The following PIKFYVE variants were observed in gnomAD, a reference collection of about 807,000 sequenced individuals.
PIKFYVE encodes phosphoinositide kinase, FYVE-type zinc finger containing, also known as 1-phosphatidylinositol 3-phosphate 5-kinase.
A neutral mutation model predicts 257.9 loss-of-function variants in PIKFYVE; 122 were observed. The observed-to-expected ratio is 0.47, with a 90% CI of 0.41 to 0.55. The LOEUF (loss-of-function observed/expected upper bound fraction) is 0.55, where lower values mean the gene tolerates loss of function less well. Ranked by LOEUF, PIKFYVE falls within the 20% of genes least tolerant of loss-of-function variation. The probability of loss-of-function intolerance (pLI) is 0.00; values close to 1 mark genes in which losing one functional copy is unlikely to be tolerated. For missense variants in PIKFYVE, 2,160 were observed against 2,536.6 expected (o/e 0.85, Z 3.19); for synonymous variants, 892 against 868.9 (o/e 1.03, Z -0.47).
intron 18 of PIKFYVE, among the ~76,000 whole-genome samples, chr2:208,324,506 A>G (rs1453371587): frequency 6.6e-6 from 1 of 152,214 alleles, no homozygotes; most frequent in South Asian, 2.1e-4. Flanking sequence ...TACAAGACCA[A>G]AAGTGAAATG....
chr2:208,285,730 C>A lies in PIKFYVE; in HGVS notation c.618C>A (p.Asp206Glu), dbSNP rs371064338. 1.0e-4 allele frequency: 164 copies of A among 1,613,096 alleles called. No homozygotes were observed. Among genetic ancestry groups the A allele is most frequent in the Non-Finnish European group, 1.3e-4 (159 of 1,179,288 alleles). The change falls in exon 6 of 42, where the codon GAC (aspartate) becomes GAA (glutamate). Residue 206 changes from aspartate (D) to glutamate (E), a missense_variant. Around this residue, in one of 12 missense-constraint regions of PIKFYVE, gnomAD observed 187 missense variants for 185.6 expected, o/e 1.01. Coordinates refer to ENST00000264380, the MANE Select transcript of PIKFYVE (RefSeq NM_015040.4). ...IPGKFMGYTG[D>E]LRACTYCRKI... is the part of the protein sequence containing the mutation. ...GTTTTTGTTTTTTTCTCCTAGGAGA[C>A]CTCCGAGCTTGCACATATTGTAGAA...
rs748955438 is a variant in PIKFYVE, at chr2:208,338,554, A to G, written c.4658A>G (p.Gln1553Arg). The G allele has an allele frequency of 3.1e-6, 5 of 1,613,026 alleles. No individual in the cohort carries two copies. The African/African-American group carries it at 6.7e-5, about 22-fold the overall frequency. Residue 1553 changes from glutamine (Q) to arginine (R), a missense_variant, in exon 29 of 42, where the codon CAG becomes CGG. Coordinates refer to ENST00000264380, the MANE Select transcript of PIKFYVE (RefSeq NM_015040.4). ...ASPRNISPGL[Q>R]NGEKEDRFLT... The stretch of plus-strand genomic sequence containing the variant: ...CCACGGAATATTTCTCCAGGACTTC[A>G]GAATGGAGAAAAAGGTTGGTTCTTG...
chr2:208,326,478 A>T, intron 20 of PIKFYVE, 49 bp downstream of exon 20: 1 of 1,578,784 alleles, frequency 6.3e-7, no homozygotes, highest in South Asian at 1.1e-5. Flanking sequence ...GATGTGTTGA[A>T]TGACTCCTCA....
intron 14 of PIKFYVE, 121 bp from the exon 15 acceptor site, chr2:208,315,072 A>G (rs773367810): frequency 9.8e-5 from 92 of 942,738 alleles, no homozygotes; most frequent in Non-Finnish European, 1.3e-4. Context: ...GACCTAGAAA[A>G]TCTTATCTGT....
chr2:208,305,358 T>C (rs1467096822), intron 12 of PIKFYVE: 1 of 1,143,062 alleles, frequency 8.7e-7, no homozygotes, highest in Non-Finnish European at 1.1e-6. Context: ...TTTCTCTTTC[T>C]TCATTTAACA....
rs1210070952 is a variant in PIKFYVE, at chr2:208,352,790, T to C, written c.5844+8T>C. 3.1e-6 allele frequency: 5 copies of C among 1,612,214 alleles called. No individual in the cohort carries two copies. In the East Asian group the frequency reaches 1.1e-4, roughly 36 times the overall value. On this transcript the variant is annotated splice_region_variant and intron_variant, in intron 39 of 41. Transcript: ENST00000264380. ...GGGAGAAAGATGGCACAGGTAAGGGTATTGGACTATGTGAAGCATTTAGCT... is the reference window on the plus strand; with the variant it reads ...GGGAGAAAGATGGCACAGGTAAGGGCATTGGACTATGTGAAGCATTTAGCT...
intron 13 of PIKFYVE, 83 bp downstream of exon 13, chr2:208,312,378 C>A: frequency 9.5e-7 from 1 of 1,052,332 alleles, no homozygotes; most frequent in Non-Finnish European, 1.4e-6. Context: ...TTGATTAGCA[C>A]AGAGAAGGTG....
intron 17 of PIKFYVE, 56 bp from the exon 18 acceptor site, chr2:208,324,086 A>G (rs528839038): frequency 5.8e-5 from 92 of 1,581,740 alleles, no homozygotes; most frequent in Non-Finnish European, 6.7e-5. Flanking sequence ...TGATATTTTA[A>G]TATGTCCAGA....
intron 3 of PIKFYVE, chr2:208,274,146 C>T (rs1172284834): frequency 7.3e-7 from 1 of 1,361,524 alleles, no homozygotes; most frequent in African/African-American, 1.4e-5. Context: ...ACTCTGTCAA[C>T]TCCATTATTG....
Position 208,276,744 on chromosome 2 carries a change from G to T in PIKFYVE, c.355G>T (p.Gly119Cys). Residue 119 changes from glycine (G) to cysteine (C), a missense_variant, in exon 4 of 42, where the codon GGT becomes TGT. By Grantham distance (159) the Gly-to-Cys change is radical. Transcript: ENST00000264380. ...TRRKAEPTFG[G>C]HDPRTAVQLR... is the part of the protein sequence containing the mutation. ...AAGGAAAGCAGAACCTACCTTTGGA[G>T]GTCATGACCCTCGTACAGCTGTTCA... 6.2e-7 allele frequency: 1 copy of T among 1,613,564 alleles called. No individual in the cohort carries two copies. Among genetic ancestry groups the T allele is most frequent in the Non-Finnish European group, 8.5e-7 (1 of 1,179,680 alleles).
At chr2:208,351,484 CAA>C in intron 38 of PIKFYVE, 29 bp downstream of exon 38, 7 of 1,548,984 alleles carry the variant, frequency 4.5e-6, no homozygotes, top group African/African-American at 1.4e-5. Context: ...GGTCTGTAAT[CAA>C]AGTTTGGTGG....
intron 24 of PIKFYVE, among the ~76,000 whole-genome samples, chr2:208,333,948 C>G (rs532139656): frequency 6.6e-6 from 1 of 152,270 alleles, no homozygotes; most frequent in African/African-American, 2.4e-5. Flanking sequence ...GGGCCCTGGC[C>G]TAACTCTTAA....
intron 7 of PIKFYVE, among the ~76,000 whole-genome samples, chr2:208,291,347 C>T (rs12479282): frequency 0.93 from 141,549 of 152,198 alleles, 66,343 homozygotes; most frequent in Non-Finnish European, 0.98. Flanking sequence ...GGATAAATTC[C>T]ATTTGGTCGT....
chr2:208,273,919 G>A, intron 3 of PIKFYVE, 186 bp downstream of exon 3: 1 of 1,423,040 alleles, frequency 7.0e-7, no homozygotes, highest in Non-Finnish European at 9.7e-7. Context: ...AGAATTTATT[G>A]ACACCTGAAA....
chr2:208,301,444 G>A lies in PIKFYVE; in HGVS notation c.1208+350G>A, dbSNP rs114080509. Among the ~76,000 whole-genome samples, 1,274 of 152,268 alleles carry A rather than the reference G, an allele frequency of 8.4e-3. 21 individuals carry two copies. The highest frequency in any genetic ancestry group is 0.029 in the African/African-American group (1,195 of 41,546). On this transcript the variant is annotated intron_variant, in intron 9 of 41. Coordinates refer to ENST00000264380, the MANE Select transcript of PIKFYVE (RefSeq NM_015040.4). Reference sequence around the variant, plus strand: ...AGGTTGTAACCTGTGTTGAGTATTTGATCCATAAGCTATGCCTGTCGGGTC... The same window carrying A: ...AGGTTGTAACCTGTGTTGAGTATTTAATCCATAAGCTATGCCTGTCGGGTC...
intron 7 of PIKFYVE, among the ~76,000 whole-genome samples, chr2:208,294,697 TC>T (rs1692741775): frequency 1.3e-5 from 2 of 151,906 alleles, no homozygotes; most frequent in African/African-American, 2.4e-5. Context: ...GGATTTTTCT[TC>T]CCCCATGTGG....
chr2:208,283,389 G>A (rs536009833), intron 5 of PIKFYVE, among the ~76,000 whole-genome samples: 22 of 152,184 alleles, frequency 1.4e-4, no homozygotes, highest in African/African-American at 5.3e-4. Flanking sequence ...CGCTTAATAG[G>A]CTCTTGCTGA....
chr2:208,336,597 A>C (rs1574693602), intron 27 of PIKFYVE, among the ~76,000 whole-genome samples: 1 of 151,978 alleles, frequency 6.6e-6, no homozygotes, highest in African/African-American at 2.4e-5. Context: ...TATTTTTTAG[A>C]AGTATTTTTC....
intron 5 of PIKFYVE, 63 bp from the exon 6 acceptor site, chr2:208,285,663 C>T: frequency 1.4e-6 from 2 of 1,409,872 alleles, no homozygotes; most frequent in Non-Finnish European, 2.0e-6. Flanking sequence ...TTACGTTAAG[C>T]AATATGTTAC....
Sources: gnomAD v4.1 joint callset for allele counts (sites outside exome capture counted in the v4.1 genomes callset) on GRCh38, gnomAD v4.1.1 for gene constraint, gnomAD v4.1.1 regional missense constraint, MANE v1.5 for transcripts, NCBI Gene and HGNC (gene_info 2026-07-23, HGNC 2026-07-21) for gene names.